Variants in OR51B5 observed in about 807,000 individuals in gnomAD.
OR51B5 encodes olfactory receptor 51B5.
For synonymous variants in OR51B5, 186 were observed against 144.8 expected (o/e 1.28, Z -2.04); for missense variants, 456 against 374.6 (o/e 1.22, Z -1.79).
upstream of OR51B5, among the ~76,000 whole-genome samples, chr11:5,348,217 T>C (rs1223532118): frequency 6.6e-6 from 1 of 152,122 alleles, no homozygotes; most frequent in Non-Finnish European, 1.5e-5. Flanking sequence ...AAGTGAAGGA[T>C]AGATTCTGGA....
intron 1 of OR51B5, among the ~76,000 whole-genome samples, chr11:5,381,141 C>T (rs1849603585): frequency 8.5e-6 from 1 of 118,076 alleles, no homozygotes; most frequent in Non-Finnish European, 1.9e-5. Flanking sequence ...CTCTCTCTCT[C>T]TGTCGCTCGC....
intron 1 of OR51B5, among the ~76,000 whole-genome samples, chr11:5,374,675 A>T (rs566771942): frequency 2.0e-5 from 3 of 152,230 alleles, no homozygotes; most frequent in African/African-American, 7.2e-5. Context: ...CTCGAGAATG[A>T]CGTGAAGAAT....
In OR51B5 at chr11:5,342,974, T is replaced by G. The variant is rs760354787; in HGVS notation, c.551A>C (p.Lys184Thr). Reference sequence around the variant, plus strand: ...GAAGGTGGTATCAGCACAGGCGAGTTTAATGACATCCTGGTGAAGGCAGAA... The same window carrying G: ...GAAGGTGGTATCAGCACAGGCGAGTGTAATGACATCCTGGTGAAGGCAGAA... The change falls in exon 1 of 1, where the codon AAA becomes ACA. Residue 184 changes from lysine (K) to threonine (T), a missense_variant. Transcript: ENST00000300773. 5 of 1,613,744 alleles carry G rather than the reference T, an allele frequency of 3.1e-6. No homozygotes were observed. In the East Asian group the frequency reaches 8.9e-5, roughly 29 times the overall value.
rs866483556 is a variant in OR51B5, at chr11:5,355,767, A to G, written n.85-8857T>C. Among the ~76,000 whole-genome samples the G allele has an allele frequency of 3.9e-3, 595 of 151,322 alleles. 2 individuals carry two copies. The highest frequency in any genetic ancestry group is 0.01 in the Middle Eastern group (3 of 292). ...TAACAATTACCTTTAAAAATTAAAA[A>G]AAAAAAAAAGAGTAGGGTCAAGGGG... On this transcript the variant is annotated intron_variant and non_coding_transcript_variant, in intron 1 of 4. Transcript: ENST00000415970.
intron 1 of OR51B5, among the ~76,000 whole-genome samples, chr11:5,373,519 G>A (rs564926739): frequency 1.3e-5 from 2 of 152,088 alleles, no homozygotes; most frequent in South Asian, 2.1e-4. Flanking sequence ...GCCGAAGCAG[G>A]GTGAGGCATT....
chr11:5,430,939 A>G, intron 1 of OR51B5: 1 of 457,028 alleles, frequency 2.2e-6, no homozygotes, highest in South Asian at 1.5e-5. Context: ...ATAAAGAATC[A>G]AGACATAAGA....
intron 1 of OR51B5, among the ~76,000 whole-genome samples, chr11:5,461,840 A>G (rs1414018982): frequency 1.2e-4 from 18 of 152,082 alleles, no homozygotes; most frequent in Admixed American, 1.2e-3. Context: ...ACTACCCCAT[A>G]CAGGCTTTCC....
chr11:5,371,323 T>C (rs551019233), intron 1 of OR51B5, among the ~76,000 whole-genome samples: 1 of 152,150 alleles, frequency 6.6e-6, no homozygotes, highest in Non-Finnish European at 1.5e-5. Context: ...ATTGAACATA[T>C]AATTCTCATT....
intron 1 of OR51B5, among the ~76,000 whole-genome samples, chr11:5,447,824 T>C (rs1331371259): frequency 2.0e-5 from 3 of 152,148 alleles, no homozygotes; most frequent in Non-Finnish European, 4.4e-5. Context: ...ATTTTGAAGC[T>C]TTCCAACACT....
At chr11:5,475,076 A>G (rs575227511) in intron 1 of OR51B5, among the ~76,000 whole-genome samples, 2 of 151,990 alleles carry the variant, frequency 1.3e-5, no homozygotes, top group African/African-American at 2.4e-5. Context: ...AATCCTGAAT[A>G]TTTTTCTGCT....
chr11:5,405,393 G>A (rs975622267), intron 1 of OR51B5, among the ~76,000 whole-genome samples: 1 of 152,046 alleles, frequency 6.6e-6, no homozygotes, highest in Admixed American at 6.5e-5. Context: ...AAGAAATAAA[G>A]CCTTTGATCT....
At chr11:5,387,383 T>A (rs1311742425) in intron 1 of OR51B5, among the ~76,000 whole-genome samples, 1 of 151,896 alleles carries the variant, frequency 6.6e-6, no homozygotes, top group African/African-American at 2.4e-5. Flanking sequence ...AAGTGGGTTT[T>A]AAAAAAAACA....
At chr11:5,452,503 TCAAAAAAAAAAAAAAA>T (rs1850869841) in intron 1 of OR51B5, among the ~76,000 whole-genome samples, 1 of 32,764 alleles carries the variant, frequency 3.1e-5, no homozygotes, top group Non-Finnish European at 5.0e-5. Context: ...AGACTCTGTC[TCAAAAAAAAAAAAAAA>T]AAAAAAAAAA....
chr11:5,370,218 T>C (rs1849428019), intron 1 of OR51B5, among the ~76,000 whole-genome samples: 1 of 152,220 alleles, frequency 6.6e-6, no homozygotes, highest in African/African-American at 2.4e-5. Context: ...ACAGTCACAG[T>C]CTTTTATAGT....
At chr11:5,435,598 GAATA>G (rs1850581781) in intron 1 of OR51B5, among the ~76,000 whole-genome samples, 1 of 50,870 alleles carries the variant, frequency 2.0e-5, no homozygotes, top group African/African-American at 4.5e-5. Context: ...ATAAATAACT[GAATA>G]AATAGTATCT....
intron 1 of OR51B5, among the ~76,000 whole-genome samples, chr11:5,361,637 T>C (rs79780644): frequency 0.38 from 56,987 of 151,774 alleles, 10,932 homozygotes; most frequent in Non-Finnish European, 0.41. Context: ...TATAAGAATC[T>C]ATCATCCCAA....
At chr11:5,398,050 G>T (rs1440324509) in intron 1 of OR51B5, among the ~76,000 whole-genome samples, 2 of 152,124 alleles carry the variant, frequency 1.3e-5, no homozygotes, top group African/African-American at 4.8e-5. Flanking sequence ...GGGGCCTGTT[G>T]TGGGGTGGGA....
chr11:5,431,370 G>A, intron 1 of OR51B5: 1 of 261,696 alleles, frequency 3.8e-6, no homozygotes, highest in Non-Finnish European at 7.5e-6. Flanking sequence ...TAGCAGTGTA[G>A]ACACAGAGAC....
chr11:5,443,703 A>C lies in OR51B5; in HGVS notation n.84+61866T>G, dbSNP rs149991299. ...TCATCAGTCTACAAAGCAACTTTGA[A>C]AACTTTTCCTCCATGGAGAAAATTC... On this transcript the variant is annotated intron_variant and non_coding_transcript_variant, in intron 1 of 4. Coordinates refer to the OR51B5 transcript ENST00000415970. 1.9e-3 allele frequency among the ~76,000 whole-genome samples: 290 copies of C among 152,220 alleles called. 1 individual carries two copies. Among genetic ancestry groups the C allele is most frequent in the African/African-American group, 6.4e-3 (267 of 41,540 alleles).
Sources: gnomAD v4.1 joint callset for allele counts (sites outside exome capture counted in the v4.1 genomes callset) on GRCh38, gnomAD v4.1.1 for gene constraint, MANE v1.5 for transcripts, NCBI Gene and HGNC (gene_info 2026-07-23, HGNC 2026-07-21) for gene names.